CTNNA2: variants seen among roughly 807,000 people sequenced by gnomAD.
The protein encoded by CTNNA2 is catenin alpha-2.
In CTNNA2, 42 loss-of-function variants were observed where a neutral mutation model predicts 101.0. That is an observed-to-expected ratio of 0.42 (90% CI 0.32 to 0.54). The LOEUF (loss-of-function observed/expected upper bound fraction) is 0.54. CTNNA2 is among the 20% of genes least tolerant of loss of function. The pLI, the probability that CTNNA2 is intolerant of heterozygous loss-of-function variation, is 0.14. For synonymous variants in CTNNA2, 450 were observed against 456.4 expected, an observed-to-expected ratio of 0.99 and a Z score of 0.18; for missense variants, 871 against 1,223.1, an observed-to-expected ratio of 0.71 and a Z score of 4.29.
intron 2 of CTNNA2, among the ~76,000 whole-genome samples, chr2:79,697,476 A>G (rs1469795395): frequency 6.6e-6 from 1 of 152,096 alleles, no homozygotes; most frequent in Non-Finnish European, 1.5e-5. Context: ...GTAAGTAGAA[A>G]TTACATATTT....
rs192037865 is a variant in CTNNA2 at position 79,758,843 on chromosome 2, C to T, written c.298+14261C>T. The stretch of plus-strand genomic sequence containing the variant: ...TACCACATTTTCTATATCCAATCCA[C>T]TGTTGATCAGTACCCAGGTTGATTC... On this transcript the variant is annotated intron_variant, in intron 3 of 18. Coordinates refer to ENST00000402739, the MANE Select transcript of CTNNA2 (RefSeq NM_001282597.3). Among the ~76,000 whole-genome samples the T allele has an allele frequency of 5.9e-5, 9 of 152,292 alleles. 1 individual carries two copies. In the East Asian group the frequency reaches 1.7e-3, roughly 29 times the overall value.
rs869143884 is a variant in CTNNA2, at chr2:80,563,048, C to CAAAA, written c.1741+7166_1741+7169dup. 4.5e-5 allele frequency among the ~76,000 whole-genome samples: 3 copies of CAAAA among 66,288 alleles called. 1 individual carries two copies. The highest frequency in any genetic ancestry group is 1.5e-4 in the African/African-American group (3 of 20,688). The allele number at this position is 66,288 out of a possible 152,430, so 43.5% of individuals were successfully genotyped here. On this transcript the variant is annotated intron_variant, in intron 12 of 18. Transcript: ENST00000402739. ...TAGTGCCTGTTTGTCAAAGTACAAC[C>CAAAA]AAAAAAAAAAAAAAGAAAGACATGA...
At chr2:79,466,346 T>G (rs1670934959) in intron 4 of CTNNA2, among the ~76,000 whole-genome samples, 2 of 152,310 alleles carry the variant, frequency 1.3e-5, no homozygotes, top group East Asian at 3.9e-4. Context: ...TCCCCGCCAT[T>G]GCTGAGGTTT....
At chr2:80,479,526 T>G in intron 9 of CTNNA2, among the ~76,000 whole-genome samples, 1 of 152,160 alleles carries the variant, frequency 6.6e-6, no homozygotes, top group East Asian at 1.9e-4. Context: ...AGGAAAGACC[T>G]AATGGCTGCT....
chr2:79,255,321 G>T (rs911089672), intron 2 of CTNNA2, among the ~76,000 whole-genome samples: 1 of 152,170 alleles, frequency 6.6e-6, no homozygotes, highest in African/African-American at 2.4e-5. Flanking sequence ...ATGGAAAGTT[G>T]CCATATTTCA....
At chr2:80,052,764 GT>G (rs1234308242) in intron 7 of CTNNA2, among the ~76,000 whole-genome samples, 1 of 152,168 alleles carries the variant, frequency 6.6e-6, no homozygotes, top group African/African-American at 2.4e-5. Flanking sequence ...GATAGAAGCA[GT>G]TTGCATAAAA....
intron 7 of CTNNA2, among the ~76,000 whole-genome samples, chr2:80,146,925 G>A (rs1158000522): frequency 7.5e-6 from 1 of 133,216 alleles, no homozygotes; most frequent in African/African-American, 2.7e-5. Flanking sequence ...GCTAATTTTT[G>A]TATTTTGTAT....
intron 17 of CTNNA2, among the ~76,000 whole-genome samples, chr2:80,617,323 A>G (rs1048547913): frequency 2.0e-5 from 3 of 151,796 alleles, no homozygotes; most frequent in Admixed American, 2.0e-4. Context: ...AGATAAGCCA[A>G]CTAGTCAATG....
chr2:79,911,081 T>G (rs1384846593), intron 7 of CTNNA2, among the ~76,000 whole-genome samples: 1 of 152,220 alleles, frequency 6.6e-6, no homozygotes, highest in Non-Finnish European at 1.5e-5. Flanking sequence ...AGGACGTCTC[T>G]ATAGGACCCT....
intron 4 of CTNNA2, among the ~76,000 whole-genome samples, chr2:79,494,642 C>A (rs553333199): frequency 6.7e-4 from 102 of 152,042 alleles, no homozygotes; most frequent in African/African-American, 2.4e-3. Flanking sequence ...TTGCACTGTA[C>A]AAAAATTAAG....
intron 7 of CTNNA2, among the ~76,000 whole-genome samples, chr2:80,254,599 A>G (rs1011726146): frequency 2.6e-5 from 4 of 152,160 alleles, no homozygotes; most frequent in East Asian, 1.9e-4. Context: ...AAGAAGACAG[A>G]TGAGCACCTT....
chr2:79,319,415 T>C, intron 3 of CTNNA2, among the ~76,000 whole-genome samples: 1 of 152,150 alleles, frequency 6.6e-6, no homozygotes, highest in Non-Finnish European at 1.5e-5. Context: ...CATATTGCCA[T>C]ATTTCTTCAC....
intron 4 of CTNNA2, among the ~76,000 whole-genome samples, chr2:79,863,938 T>C (rs911109799): frequency 6.6e-6 from 1 of 152,152 alleles, no homozygotes; most frequent in African/African-American, 2.4e-5. Flanking sequence ...CGGGGCATAC[T>C]GAGGGAAGCT....
At chr2:79,463,156 A>C (rs992236421) in intron 4 of CTNNA2, among the ~76,000 whole-genome samples, 24 of 152,192 alleles carry the variant, frequency 1.6e-4, no homozygotes, top group Non-Finnish European at 2.9e-5. Context: ...TCATGCCTGT[A>C]ATCCCACCAT....
chr2:79,320,755 A>T (rs1027075030), intron 3 of CTNNA2, among the ~76,000 whole-genome samples: 3 of 152,174 alleles, frequency 2.0e-5, no homozygotes, highest in African/African-American at 7.2e-5. Flanking sequence ...GGCCTATGGT[A>T]GCCTTTTTCA....
intron 2 of CTNNA2, among the ~76,000 whole-genome samples, chr2:79,665,307 C>T (rs940549982): frequency 2.1e-4 from 32 of 152,164 alleles, no homozygotes; most frequent in Non-Finnish European, 4.6e-4. Flanking sequence ...CCTGTTATCT[C>T]ACAGTGTTTT....
chr2:79,404,921 T>G (rs1241558839), intron 4 of CTNNA2, among the ~76,000 whole-genome samples: 1 of 152,108 alleles, frequency 6.6e-6, no homozygotes, highest in Non-Finnish European at 1.5e-5. Context: ...AACTTTATTT[T>G]TTTAAAGAAC....
intron 9 of CTNNA2, among the ~76,000 whole-genome samples, chr2:80,514,608 G>C (rs1337160986): frequency 3.9e-5 from 6 of 152,132 alleles, no homozygotes; most frequent in Non-Finnish European, 8.8e-5. Flanking sequence ...TCAGAAGAGA[G>C]GGGAGTGGGA....
At chr2:80,531,703 G>A (rs900361144) in intron 9 of CTNNA2, among the ~76,000 whole-genome samples, 1 of 152,156 alleles carries the variant, frequency 6.6e-6, no homozygotes, top group African/African-American at 2.4e-5. Flanking sequence ...TGTGCTTTAA[G>A]GAGACCTGGG....
Sources: gnomAD v4.1 joint callset for allele counts (sites outside exome capture counted in the v4.1 genomes callset) on GRCh38, gnomAD v4.1.1 for gene constraint, MANE v1.5 for transcripts, NCBI Gene and HGNC (gene_info 2026-07-23, HGNC 2026-07-21) for gene names.